CUX1: variants seen among roughly 807,000 people sequenced by gnomAD.
CUX1 encodes the protein cut like homeobox 1, also known as protein CASP.
A neutral mutation model predicts 158.8 loss-of-function variants in CUX1; 31 were observed. That is an observed-to-expected ratio of 0.20 (90% CI 0.15 to 0.26). The LOEUF is 0.26. CUX1 is among the 10% of genes least tolerant of loss of function. The pLI, the probability that CUX1 is intolerant of heterozygous loss-of-function variation, is 1.00. For missense variants in CUX1, 1,589 were observed against 2,014.6 expected, an observed-to-expected ratio of 0.79 and a Z score of 4.04; for synonymous variants, 879 against 862.1, an observed-to-expected ratio of 1.02 and a Z score of -0.34.
intron 1 of CUX1, among the ~76,000 whole-genome samples, chr7:101,856,295 T>C (rs570799735): frequency 6.6e-6 from 1 of 151,394 alleles, no homozygotes; most frequent in African/African-American, 2.4e-5. Context: ...GAGCCGTTAA[T>C]CACGACCCAT....
At chr7:102,233,076 C>T (rs1395132238) in intron 21 of CUX1, among the ~76,000 whole-genome samples, 1 of 152,010 alleles carries the variant, frequency 6.6e-6, no homozygotes, top group African/African-American at 2.4e-5. Flanking sequence ...CTCCTGTTTG[C>T]TGTTTGGCCT....
At chr7:101,884,543 C>T (rs1052709728) in intron 1 of CUX1, among the ~76,000 whole-genome samples, 1 of 152,134 alleles carries the variant, frequency 6.6e-6, no homozygotes, top group African/African-American at 2.4e-5. Context: ...GGGTGTTAAA[C>T]TCATGCTCTC....
chr7:101,911,973 A>G (rs151255439), intron 1 of CUX1, among the ~76,000 whole-genome samples: 66 of 152,238 alleles, frequency 4.3e-4, no homozygotes, highest in African/African-American at 1.5e-3. Flanking sequence ...TTTTCTCAGT[A>G]AAGTTTCTGT....
At chr7:101,817,081 G>A (rs566829622), upstream of CUX1, 2 of 984,544 alleles carry the variant, frequency 2.0e-6, no homozygotes, top group African/African-American at 1.8e-5. The surrounding 1 kb of genome is among the most constrained non-coding windows in gnomAD (Gnocchi z 4.1). Flanking sequence ...GGCGGCGGGG[G>A]TGCCCCGCGC....
chr7:101,972,821 C>T (rs550259378), intron 2 of CUX1, among the ~76,000 whole-genome samples: 1 of 152,282 alleles, frequency 6.6e-6, no homozygotes, highest in Non-Finnish European at 1.5e-5. Flanking sequence ...CGGGAGCTCG[C>T]CGCGTGGTAA....
chr7:102,208,577 T>C (rs1796180868), intron 20 of CUX1, among the ~76,000 whole-genome samples: 1 of 152,222 alleles, frequency 6.6e-6, no homozygotes, highest in Non-Finnish European at 1.5e-5. Context: ...ATAGAGTTGC[T>C]AACAGTGGTT....
chr7:101,949,383 GC>G (rs1449788441), intron 2 of CUX1, among the ~76,000 whole-genome samples: 1 of 151,992 alleles, frequency 6.6e-6, no homozygotes, highest in African/African-American at 2.4e-5. Context: ...GCCCGCCTAG[GC>G]CTCCCAAAAT....
At chr7:101,965,318 A>G (rs1191366818) in intron 2 of CUX1, among the ~76,000 whole-genome samples, 4 of 152,102 alleles carry the variant, frequency 2.6e-5, no homozygotes, top group Non-Finnish European at 5.9e-5. Context: ...AGTGCAAAGC[A>G]GTGGGTATCA....
At chr7:102,115,295 C>A (rs1238433850) in intron 8 of CUX1, 22 bp downstream of exon 8, 2 of 1,603,006 alleles carry the variant, frequency 1.2e-6, no homozygotes. Flanking sequence ...TGCTTGGCCT[C>A]CCTTATCCGT....
chr7:102,058,598 A>C (rs1451514802), intron 3 of CUX1, among the ~76,000 whole-genome samples: 1 of 152,064 alleles, frequency 6.6e-6, no homozygotes, highest in Admixed American at 6.6e-5. Context: ...TTACTTTCTT[A>C]TGGTGGTCTG....
At chr7:102,086,265 G>C in intron 4 of CUX1, among the ~76,000 whole-genome samples, 1 of 123,422 alleles carries the variant, frequency 8.1e-6, no homozygotes, top group African/African-American at 3.0e-5. Flanking sequence ...TTTTTTCCTT[G>C]TTTTCAGTTT....
rs1222177120 is a variant in CUX1, at chr7:102,178,731, C to T, written c.1017+74C>T. ...GGCTGGACACACGCGCACACACACA[C>T]CCTCTGCCTTTCTGGACTTGATAGC... is the stretch of plus-strand genomic sequence containing the variant. On this transcript the variant is annotated intron_variant, in intron 11 of 23. Coordinates refer to ENST00000292535, the MANE Select transcript of CUX1 (RefSeq NM_181552.4). 3.5e-6 allele frequency: 5 copies of T among 1,446,900 alleles called. No homozygotes were observed. In the South Asian group the frequency reaches 6.6e-5, roughly 19 times the overall value. The allele number at this position is 1,446,900 out of a possible 1,614,324, so 89.6% of individuals were successfully genotyped here.
intron 2 of CUX1, among the ~76,000 whole-genome samples, chr7:101,966,656 G>A (rs1811253718): frequency 6.6e-6 from 1 of 152,170 alleles, no homozygotes; most frequent in African/African-American, 2.4e-5. Context: ...GTGGAGGGAA[G>A]GATAGAAAGA....
At chr7:101,942,081 G>T (rs989195186) in intron 2 of CUX1, among the ~76,000 whole-genome samples, 2 of 152,188 alleles carry the variant, frequency 1.3e-5, no homozygotes, top group Admixed American at 1.3e-4. Flanking sequence ...CCAGTAGGTG[G>T]AGAAAGATGC....
At chr7:102,146,498 G>A (rs1333422530) in intron 8 of CUX1, among the ~76,000 whole-genome samples, 1 of 152,194 alleles carries the variant, frequency 6.6e-6, no homozygotes, top group Non-Finnish European at 1.5e-5. Flanking sequence ...CCATGAACAC[G>A]TCAACTTGTG....
intron 15 of CUX1, chr7:102,273,606 A>G: frequency 7.6e-7 from 1 of 1,321,990 alleles, no homozygotes; most frequent in South Asian, 1.4e-5. Flanking sequence ...GTGACAACCC[A>G]GAAGGGCTGT....
At position 102,129,481 on chromosome 7, in the gene CUX1, C is replaced by T. The variant is rs559833085; in HGVS notation, c.674+14208C>T. Among the ~76,000 whole-genome samples, 11 of 152,132 alleles carry T rather than the reference C, an allele frequency of 7.2e-5. No individual in the cohort carries two copies. In the East Asian group the frequency reaches 1.5e-3, roughly 21 times the overall value. ...GGCAGATCACTTGAGGTCAGGAGTT[C>T]GAGACCAGCCTGGCCAACATGGTAA... On this transcript the variant is annotated intron_variant, in intron 8 of 23. Coordinates refer to ENST00000292535, the MANE Select transcript of CUX1 (RefSeq NM_181552.4).
At chr7:101,836,141 G>A (rs558863496) in intron 1 of CUX1, among the ~76,000 whole-genome samples, 3 of 152,172 alleles carry the variant, frequency 2.0e-5, no homozygotes, top group Admixed American at 6.5e-5. Context: ...GCCATTAGCC[G>A]TCGCTACCTC....
chr7:102,060,551 C>T (rs980974635), intron 3 of CUX1, among the ~76,000 whole-genome samples: 4 of 141,304 alleles, frequency 2.8e-5, no homozygotes, highest in African/African-American at 9.9e-5. Flanking sequence ...ATCAAGGCTT[C>T]AGTATATATA....
Sources: allele counts gnomAD v4.1 joint callset (sites outside exome capture counted in the v4.1 genomes callset), GRCh38; gene constraint gnomAD v4.1.1; non-coding constraint Gnocchi (gnomAD v3.1); transcripts MANE v1.5; gene names NCBI Gene and HGNC (gene_info 2026-07-23, HGNC 2026-07-21).